The following ITGA1 variants were observed in gnomAD, a reference collection of about 807,000 sequenced individuals.
ITGA1 encodes the protein integrin subunit alpha 1.
In ITGA1, 85 loss-of-function variants were observed where a neutral mutation model predicts 145.9. That is an observed-to-expected ratio of 0.58 (90% CI 0.49 to 0.70). The LOEUF (loss-of-function observed/expected upper bound fraction) is 0.70. Among genes scored for constraint, ITGA1 ranks in the 30% least tolerant of loss-of-function variants. The pLI is 0.00. For missense variants in ITGA1, 1,351 were observed against 1,418.7 expected (o/e 0.95, Z 0.77); for synonymous variants, 520 against 495.3 (o/e 1.05, Z -0.66).
intron 1 of ITGA1, among the ~76,000 whole-genome samples, chr5:52,830,444 G>C (rs899051301): frequency 6.6e-6 from 1 of 152,052 alleles, no homozygotes; most frequent in African/African-American, 2.4e-5. Flanking sequence ...TTTTACCAGA[G>C]AGTATACCTT....
At chr5:52,801,405 C>A in intron 1 of ITGA1, 5 of 1,604,638 alleles carry the variant, frequency 3.1e-6, no homozygotes, top group South Asian at 1.1e-5. Context: ...AATTGTGATT[C>A]TAGGTACATG....
chr5:52,856,175 C>T (rs1226800130), intron 2 of ITGA1, among the ~76,000 whole-genome samples: 1 of 152,148 alleles, frequency 6.6e-6, no homozygotes. Flanking sequence ...TATAAGCAAG[C>T]TTTATTCTGA....
At chr5:52,840,296 T>G (rs2111736950) in intron 1 of ITGA1, among the ~76,000 whole-genome samples, 1 of 152,284 alleles carries the variant, frequency 6.6e-6, no homozygotes, top group South Asian at 2.1e-4. Flanking sequence ...CCACCCTGCT[T>G]TGTTTTGAAG....
At chr5:52,832,765 C>CTG (rs33977926) in intron 1 of ITGA1, among the ~76,000 whole-genome samples, 23,738 of 86,062 alleles carry the variant, frequency 0.28, 2,267 homozygotes, top group Non-Finnish European at 0.33. Context: ...ATATATAAAT[C>CTG]TGTGTGTGTG....
intron 2 of ITGA1, among the ~76,000 whole-genome samples, chr5:52,850,002 A>ATTTTTTT (rs373306832): frequency 1.4e-5 from 2 of 140,440 alleles, no homozygotes; most frequent in Admixed American, 7.2e-5. Flanking sequence ...TGTAGATAGG[A>ATTTTTTT]TTTTTTTTTT....
chr5:52,802,871 C>T (rs1748516589), intron 1 of ITGA1: 1 of 152,176 alleles, frequency 6.6e-6, no homozygotes, highest in Non-Finnish European at 1.5e-5. Context: ...CTATCATTGA[C>T]TTAAACTCTG....
intron 26 of ITGA1, 67 bp from the exon 27 acceptor site, chr5:52,944,876 T>G: frequency 1.8e-6 from 2 of 1,104,848 alleles, no homozygotes; most frequent in Non-Finnish European, 2.7e-6. Context: ...AATGTCCTAC[T>G]CAAACATGAC....
intron 7 of ITGA1, among the ~76,000 whole-genome samples, chr5:52,885,947 C>T (rs1041477637): frequency 2.0e-5 from 3 of 152,156 alleles, no homozygotes; most frequent in Non-Finnish European, 4.4e-5. Context: ...GCTGTCTCAG[C>T]CTAATTGCCT....
At chr5:52,945,273 A>G (rs369172424) in intron 27 of ITGA1, among the ~76,000 whole-genome samples, 1 of 152,174 alleles carries the variant, frequency 6.6e-6, no homozygotes, top group Non-Finnish European at 1.5e-5. Flanking sequence ...ATTTGACTTT[A>G]TCACTTATAA....
chr5:52,870,681 T>A (rs980995882), intron 6 of ITGA1, among the ~76,000 whole-genome samples: 1 of 152,160 alleles, frequency 6.6e-6, no homozygotes, highest in East Asian at 1.9e-4. Context: ...CCCCAGAGAT[T>A]GTTAGAATGC....
At chr5:52,835,399 G>A (rs1749147286) in intron 1 of ITGA1, among the ~76,000 whole-genome samples, 1 of 152,076 alleles carries the variant, frequency 6.6e-6, no homozygotes. Flanking sequence ...GATTATCAAC[G>A]GGGGAGTTGG....
At chr5:52,899,443 C>T (rs950524729) in intron 11 of ITGA1, among the ~76,000 whole-genome samples, 9 of 152,158 alleles carry the variant, frequency 5.9e-5, no homozygotes, top group African/African-American at 1.9e-4. Flanking sequence ...ACAGCAGCTG[C>T]ACTGTGACTG....
chr5:52,880,208 C>G (rs951528173), intron 6 of ITGA1, among the ~76,000 whole-genome samples: 2 of 152,176 alleles, frequency 1.3e-5, no homozygotes, highest in African/African-American at 4.8e-5. Context: ...CTAGACCCCC[C>G]TTCCACCACT....
At chr5:52,846,167 A>G (rs1324602366) in intron 1 of ITGA1, among the ~76,000 whole-genome samples, 1 of 152,238 alleles carries the variant, frequency 6.6e-6, no homozygotes, top group East Asian at 1.9e-4. Flanking sequence ...TCTGGAGGCC[A>G]AGGCAGGTAG....
intron 1 of ITGA1, among the ~76,000 whole-genome samples, chr5:52,831,011 T>C (rs1749052825): frequency 6.6e-6 from 1 of 152,200 alleles, no homozygotes; most frequent in Admixed American, 6.5e-5. Context: ...CATGTTTTCA[T>C]CCTGCTATGT....
chr5:52,906,014 A>G, intron 12 of ITGA1, 106 bp downstream of exon 12: 1 of 896,996 alleles, frequency 1.1e-6, no homozygotes, highest in East Asian at 2.7e-5. Flanking sequence ...CATATTCAGT[A>G]ACAACTGGGA....
chr5:52,885,796 A>G (rs1205508795), intron 7 of ITGA1, among the ~76,000 whole-genome samples: 1 of 152,188 alleles, frequency 6.6e-6, no homozygotes, highest in African/African-American at 2.4e-5. Flanking sequence ...GGAAAGTTAG[A>G]GGTTACTTGC....
At chr5:52,920,236 A>G (rs897634306) in intron 16 of ITGA1, 96 bp from the exon 17 acceptor site, 44 of 953,286 alleles carry the variant, frequency 4.6e-5, no homozygotes, top group Admixed American at 6.4e-5. Flanking sequence ...TTGATTGCCA[A>G]AGAGATTTTT....
chr5:52,909,174 C>G (rs758559571), intron 13 of ITGA1, 133 bp downstream of exon 13: 11 of 837,638 alleles, frequency 1.3e-5, no homozygotes, highest in Non-Finnish European at 2.0e-5. Flanking sequence ...TTCACTCCAC[C>G]AACCCCTCAG....
Sources: allele counts gnomAD v4.1 joint callset (sites outside exome capture counted in the v4.1 genomes callset), GRCh38; gene constraint gnomAD v4.1.1; transcripts MANE v1.5; gene names NCBI Gene and HGNC (gene_info 2026-07-23, HGNC 2026-07-21).